The following CCDC85A variants were observed in gnomAD, a reference collection of about 807,000 sequenced individuals.
CCDC85A encodes coiled-coil domain-containing protein 85A.
In CCDC85A, 38 loss-of-function variants were observed where a neutral mutation model predicts 50.2. The observed-to-expected ratio is 0.76, with a 90% CI of 0.58 to 0.99. The LOEUF (loss-of-function observed/expected upper bound fraction) is 0.99, where lower values mean the gene tolerates loss of function less well. CCDC85A is among the 50% of genes least tolerant of loss of function. The pLI is 0.00. For synonymous variants in CCDC85A, 366 were observed against 301.4 expected, an observed-to-expected ratio of 1.21 and a Z score of -2.22; for missense variants, 820 against 742.0, an observed-to-expected ratio of 1.11 and a Z score of -1.22.
intron 3 of CCDC85A, among the ~76,000 whole-genome samples, chr2:56,355,595 C>A (rs1467439942): frequency 6.6e-6 from 1 of 152,024 alleles, no homozygotes; most frequent in Non-Finnish European, 1.5e-5. Flanking sequence ...TAGAAGCAAC[C>A]TTTGAATTAT....
chr2:56,229,930 AT>A (rs1668707741), intron 2 of CCDC85A, among the ~76,000 whole-genome samples: 1 of 152,188 alleles, frequency 6.6e-6, no homozygotes, highest in Non-Finnish European at 1.5e-5. Flanking sequence ...ATATAGATGA[AT>A]TTTGCCTGTA....
chr2:56,295,443 TA>T, intron 2 of CCDC85A, among the ~76,000 whole-genome samples: 1 of 152,346 alleles, frequency 6.6e-6, no homozygotes, highest in East Asian at 1.9e-4. Context: ...TGATTAATAA[TA>T]TGCTGATAGC....
At chr2:56,359,266 A>AT (rs1236668710) in intron 3 of CCDC85A, among the ~76,000 whole-genome samples, 1 of 152,046 alleles carries the variant, frequency 6.6e-6, no homozygotes, top group African/African-American at 2.4e-5. Context: ...GAGGCAAGGT[A>AT]TTTTTTTCTA....
At chr2:56,203,434 T>G (rs1676827192) in intron 2 of CCDC85A, among the ~76,000 whole-genome samples, 1 of 152,114 alleles carries the variant, frequency 6.6e-6, no homozygotes, top group African/African-American at 2.4e-5. Flanking sequence ...TCCCTTATTC[T>G]AAAACTATAT....
At position 56,192,031 on chromosome 2, in the gene CCDC85A, C is replaced by G. The variant is rs1676316685; in HGVS notation, c.277-446C>G. Among the ~76,000 whole-genome samples the G allele has an allele frequency of 6.6e-6, 1 of 152,066 alleles. No individual in the cohort carries two copies. The highest frequency in any genetic ancestry group is 1.5e-5 in the Non-Finnish European group (1 of 68,014). On this transcript the variant is annotated intron_variant, in intron 1 of 5. Coordinates refer to ENST00000407595, the MANE Select transcript of CCDC85A (RefSeq NM_001080433.2). This position sits in a 1 kb window ranked among gnomAD's most constrained non-coding sequence, Gnocchi z 4.7. ...TTTCTTGATAATGAACTGGTTGCTC[C>G]CTAACTACTGACCAGATGAACTTGG...
chr2:56,192,540 G>C lies in CCDC85A; in HGVS notation c.340G>C (p.Asp114His). The change falls in exon 2 of 6, where the codon GAT becomes CAT. Residue 114 changes from aspartate (D) to histidine (H), a missense_variant. Asp to His is a moderately conservative substitution (Grantham distance 81). Coordinates refer to ENST00000407595, the MANE Select transcript of CCDC85A (RefSeq NM_001080433.2). The surrounding 1 kb of genome is among the most constrained non-coding windows in gnomAD (Gnocchi z 4.7). ...GAGGGACCTCTGCTGTTTCCTGGAT[G>C]ATGACCGGCAGAAAGGCAAGAGGGT... ...ELRDLCCFLDDDRQKGKRVSR... is the reference protein window; with the variant it reads ...ELRDLCCFLDHDRQKGKRVSR... 1.9e-6 allele frequency: 3 copies of C among 1,613,948 alleles called. No individual in the cohort carries two copies. The highest frequency in any genetic ancestry group is 2.2e-5 in the South Asian group (2 of 91,050).
chr2:56,303,895 C>T (rs181147125), intron 2 of CCDC85A, among the ~76,000 whole-genome samples: 37 of 152,176 alleles, frequency 2.4e-4, no homozygotes, highest in Non-Finnish European at 3.8e-4. Flanking sequence ...TAGGAGCTAA[C>T]GGTCTGCATG....
intron 2 of CCDC85A, among the ~76,000 whole-genome samples, chr2:56,237,873 G>T (rs996363230): frequency 2.0e-5 from 3 of 152,082 alleles, no homozygotes; most frequent in South Asian, 2.1e-4. Flanking sequence ...AATAGGGATT[G>T]GTGGCTTGGT....
At chr2:56,260,795 A>G (rs1366489831) in intron 2 of CCDC85A, among the ~76,000 whole-genome samples, 5 of 152,238 alleles carry the variant, frequency 3.3e-5, no homozygotes, top group Admixed American at 3.3e-4. Flanking sequence ...TAGACATATA[A>G]AAGAGTGTCC....
chr2:56,227,400 T>A (rs1388440798), intron 2 of CCDC85A, among the ~76,000 whole-genome samples: 1 of 152,200 alleles, frequency 6.6e-6, no homozygotes, highest in Non-Finnish European at 1.5e-5. Context: ...GCTTTTTTAT[T>A]AAATGATTTT....
chr2:56,376,358 G>A (rs530103711), intron 5 of CCDC85A, among the ~76,000 whole-genome samples: 173 of 152,222 alleles, frequency 1.1e-3, no homozygotes, highest in Non-Finnish European at 2.0e-3. Context: ...AGTACATTAT[G>A]CAACTTAAAT....
At chr2:56,285,732 C>T (rs1671414397) in intron 2 of CCDC85A, among the ~76,000 whole-genome samples, 1 of 151,580 alleles carries the variant, frequency 6.6e-6, no homozygotes, top group Non-Finnish European at 1.5e-5. Context: ...GAACCCTATA[C>T]TATATGCCTT....
At chr2:56,295,487 C>T (rs539372795) in intron 2 of CCDC85A, among the ~76,000 whole-genome samples, 12 of 152,244 alleles carry the variant, frequency 7.9e-5, no homozygotes, top group African/African-American at 1.7e-4. Flanking sequence ...AATCAGCTTC[C>T]GCATGGCTAG....
At chr2:56,202,554 A>G (rs1317548990) in intron 2 of CCDC85A, among the ~76,000 whole-genome samples, 1 of 152,212 alleles carries the variant, frequency 6.6e-6, no homozygotes, top group Non-Finnish European at 1.5e-5. Flanking sequence ...GAAAGAGACC[A>G]GGAGCAAAAG....
At chr2:56,338,005 G>A (rs548736379) in intron 2 of CCDC85A, among the ~76,000 whole-genome samples, 5 of 151,838 alleles carry the variant, frequency 3.3e-5, no homozygotes, top group Non-Finnish European at 5.9e-5. Context: ...GGATGATCTC[G>A]ACCTCTTGAC....
chr2:56,220,243 ACTTAAT>A (rs1186514207), intron 2 of CCDC85A, among the ~76,000 whole-genome samples: 2 of 141,988 alleles, frequency 1.4e-5, no homozygotes, highest in African/African-American at 4.9e-5. Flanking sequence ...TTTACTTTCT[ACTTAAT>A]CTTAAACTCC....
intron 2 of CCDC85A, among the ~76,000 whole-genome samples, chr2:56,276,795 G>A (rs1034214421): frequency 2.0e-5 from 3 of 152,212 alleles, no homozygotes; most frequent in African/African-American, 4.8e-5. Flanking sequence ...TGTTATGTAC[G>A]TAAACTTGTG....
At chr2:56,224,172 T>C (rs1668447873) in intron 2 of CCDC85A, among the ~76,000 whole-genome samples, 1 of 152,188 alleles carries the variant, frequency 6.6e-6, no homozygotes, top group Admixed American at 6.6e-5. Context: ...TCTGTCTCTA[T>C]CAATTTTTCT....
At chr2:56,380,637 TA>T (rs1676542668) in intron 5 of CCDC85A, among the ~76,000 whole-genome samples, 1 of 151,142 alleles carries the variant, frequency 6.6e-6, no homozygotes, top group African/African-American at 2.4e-5. Context: ...AAAAAATAAA[TA>T]AATAAATAAA....
Sources: allele counts gnomAD v4.1 joint callset (sites outside exome capture counted in the v4.1 genomes callset), GRCh38; gene constraint gnomAD v4.1.1; non-coding constraint Gnocchi (gnomAD v3.1); transcripts MANE v1.5; gene names NCBI Gene and HGNC (gene_info 2026-07-23, HGNC 2026-07-21).